The following RMST variants were observed in gnomAD, a reference collection of about 807,000 sequenced individuals.
RMST encodes the protein long intergenic non-protein coding RNA 54.
chr12:97,482,419 C>G (rs1438307126), intron 5 of RMST, among the ~76,000 whole-genome samples: 2 of 152,000 alleles, frequency 1.3e-5, no homozygotes, highest in East Asian at 3.9e-4. Flanking sequence ...TGCCAGCCCT[C>G]CATGTAGCTT....
intron 5 of RMST, among the ~76,000 whole-genome samples, chr12:97,477,506 A>G (rs1266693202): frequency 4.6e-5 from 7 of 152,222 alleles, no homozygotes; most frequent in Non-Finnish European, 1.5e-5. Context: ...GTAAAAAATT[A>G]TATAAAACAA....
At chr12:97,527,043 C>T (rs1881182415) in intron 10 of RMST, among the ~76,000 whole-genome samples, 1 of 152,134 alleles carries the variant, frequency 6.6e-6, no homozygotes, top group Non-Finnish European at 1.5e-5. Context: ...ATGTCTGACT[C>T]TTGTGACTCA....
intron 11 of RMST, among the ~76,000 whole-genome samples, chr12:97,550,299 G>A (rs1028812216): frequency 2.0e-5 from 3 of 152,154 alleles, no homozygotes; most frequent in Non-Finnish European, 4.4e-5. Flanking sequence ...GACTGAGGCA[G>A]GAGAATCACT....
At chr12:97,491,931 G>T (rs780390275) in intron 5 of RMST, 2 of 533,506 alleles carry the variant, frequency 3.7e-6, no homozygotes, top group South Asian at 1.4e-5. Context: ...TGCCAAAGGC[G>T]CTTCTCCTTC....
chr12:97,540,619 G>A (rs1362661968), intron 11 of RMST, among the ~76,000 whole-genome samples: 4 of 151,688 alleles, frequency 2.6e-5, no homozygotes, highest in East Asian at 1.9e-4. Context: ...GTGACTAGGA[G>A]GCATTTTCCT....
chr12:97,471,258 A>T (rs926061408), intron 5 of RMST, among the ~76,000 whole-genome samples: 4 of 152,084 alleles, frequency 2.6e-5, no homozygotes, highest in African/African-American at 9.7e-5. Flanking sequence ...TGCATAATAT[A>T]TGTGTAGCGT....
chr12:97,495,592 C>T (rs368934154), intron 9 of RMST, among the ~76,000 whole-genome samples: 7 of 152,012 alleles, frequency 4.6e-5, no homozygotes, highest in Admixed American at 2.6e-4. Context: ...ACTAAAATCC[C>T]TCATAATATA....
intron 5 of RMST, among the ~76,000 whole-genome samples, chr12:97,476,047 C>T (rs1054993139): frequency 1.3e-5 from 2 of 152,082 alleles, no homozygotes; most frequent in Non-Finnish European, 2.9e-5. Context: ...ATGGTGCTCT[C>T]ATCTTGATGA....
intron 10 of RMST, among the ~76,000 whole-genome samples, chr12:97,525,974 A>G (rs866988471): frequency 1.3e-5 from 2 of 151,024 alleles, no homozygotes; most frequent in South Asian, 4.2e-4. Flanking sequence ...TGGGTTGTGC[A>G]CTCCTTATGA....
chr12:97,511,357 C>A (rs1056561630), intron 10 of RMST, among the ~76,000 whole-genome samples: 2 of 152,014 alleles, frequency 1.3e-5, no homozygotes, highest in African/African-American at 4.8e-5. Context: ...CCATGTTGGC[C>A]AGGTTGGTCT....
chr12:97,474,688 T>C (rs531236206), intron 5 of RMST, among the ~76,000 whole-genome samples: 1 of 142,060 alleles, frequency 7.0e-6, no homozygotes, highest in African/African-American at 2.6e-5. Context: ...AAATATAGTA[T>C]ATGGTTAAAT....
intron 11 of RMST, among the ~76,000 whole-genome samples, chr12:97,531,368 T>G (rs1385258738): frequency 6.6e-6 from 1 of 152,050 alleles, no homozygotes; most frequent in African/African-American, 2.4e-5. Context: ...TTGGGGCTTT[T>G]TAAAACAACA....
At chr12:97,561,685 G>T (rs1194670235) in intron 13 of RMST, among the ~76,000 whole-genome samples, 1 of 114,330 alleles carries the variant, frequency 8.7e-6, no homozygotes, top group Admixed American at 1.3e-4. Flanking sequence ...CTTGGTGGCT[G>T]CTCATTCAGA....
At chr12:97,479,738 C>A (rs938261133) in intron 5 of RMST, among the ~76,000 whole-genome samples, 1 of 152,142 alleles carries the variant, frequency 6.6e-6, no homozygotes, top group East Asian at 1.9e-4. Flanking sequence ...TTGCTCTTGC[C>A]CTGTACACTT....
intron 5 of RMST, among the ~76,000 whole-genome samples, chr12:97,481,954 T>A (rs1436180153): frequency 2.0e-5 from 3 of 152,184 alleles, no homozygotes; most frequent in Non-Finnish European, 4.4e-5. Flanking sequence ...AGTGGCAAAG[T>A]TCAGATTTAC....
chr12:97,478,551 C>T (rs1874829411), intron 5 of RMST, among the ~76,000 whole-genome samples: 1 of 152,116 alleles, frequency 6.6e-6, no homozygotes, highest in Non-Finnish European at 1.5e-5. Context: ...GTGTACTGTC[C>T]CTTCTCAGTG....
At chr12:97,513,046 G>C (rs1251487326) in intron 10 of RMST, among the ~76,000 whole-genome samples, 1 of 152,212 alleles carries the variant, frequency 6.6e-6, no homozygotes, top group Non-Finnish European at 1.5e-5. Flanking sequence ...GGGGTCCGCC[G>C]AGCCCACGCC....
chr12:97,475,043 T>C (rs1874380318), intron 5 of RMST, among the ~76,000 whole-genome samples: 3 of 152,210 alleles, frequency 2.0e-5, no homozygotes, highest in African/African-American at 2.4e-5. Context: ...TACAACTTCT[T>C]AGCTTTCATC....
At chr12:97,561,616 A>G (rs935597835) in intron 13 of RMST, among the ~76,000 whole-genome samples, 5 of 148,458 alleles carry the variant, frequency 3.4e-5, no homozygotes, top group African/African-American at 1.2e-4. Flanking sequence ...TCAGTGTGAA[A>G]TTAGTTTGAA....
Sources: allele counts gnomAD v4.1 joint callset (sites outside exome capture counted in the v4.1 genomes callset), GRCh38; gene constraint gnomAD v4.1.1; transcripts MANE v1.5; gene names NCBI Gene and HGNC (gene_info 2026-07-23, HGNC 2026-07-21).